The following LRBA variants were observed in gnomAD, a reference collection of about 807,000 sequenced individuals.
LRBA encodes lipopolysaccharide-responsive and beige-like anchor protein.
A neutral mutation model predicts 330.0 loss-of-function variants in LRBA; 176 were observed. The observed-to-expected ratio is 0.53, with a 90% CI of 0.47 to 0.60. LRBA has a LOEUF of 0.60. Ranked by LOEUF, LRBA falls within the 20% of genes least tolerant of loss-of-function variation. The probability of loss-of-function intolerance (pLI) is 0.00; values close to 1 mark genes in which losing one functional copy is unlikely to be tolerated. For synonymous variants in LRBA, 1,230 were observed against 1,193.0 expected (o/e 1.03, Z -0.64); for missense variants, 3,259 against 3,444.8 (o/e 0.95, Z 1.35).
chr4:150,939,134 C>T (rs781031699), intron 2 of LRBA, among the ~76,000 whole-genome samples: 3 of 152,234 alleles, frequency 2.0e-5, no homozygotes, highest in Non-Finnish European at 4.4e-5. Flanking sequence ...CACTACTGTG[C>T]CACTATGACA....
intron 42 of LRBA, among the ~76,000 whole-genome samples, chr4:150,479,472 TCATTA>T (rs1354208879): frequency 1.3e-5 from 2 of 152,216 alleles, no homozygotes; most frequent in African/African-American, 4.8e-5. Context: ...TCTGAAATCC[TCATTA>T]AATTATAAAA....
intron 22 of LRBA, among the ~76,000 whole-genome samples, chr4:150,861,079 T>C (rs1751859509): frequency 6.6e-6 from 1 of 152,244 alleles, no homozygotes; most frequent in African/African-American, 2.4e-5. Context: ...ATTTGTGTTA[T>C]CTATTTTTTT....
At chr4:150,305,321 T>A (rs1323659534) in intron 52 of LRBA, among the ~76,000 whole-genome samples, 1 of 152,236 alleles carries the variant, frequency 6.6e-6, no homozygotes, top group Admixed American at 6.5e-5. Context: ...AAGTCACTGC[T>A]CTGTTTCTCC....
chr4:150,709,982 C>T lies in LRBA; in HGVS notation c.5754+25276G>A, dbSNP rs144039761. On this transcript the variant is annotated intron_variant, in intron 36 of 56. Transcript: ENST00000651943. ...TGATATTAAGGATTGTAGGTTTAAC[C>T]TAAGAGCAATGGGAAGGAACTGGAT... Among the ~76,000 whole-genome samples the T allele has an allele frequency of 4.6e-3, 695 of 151,946 alleles. 6 individuals are homozygous for T. Among genetic ancestry groups the T allele is most frequent in the African/African-American group, 0.016 (664 of 41,508 alleles).
At chr4:150,379,100 C>T (rs1252694175) in intron 47 of LRBA, among the ~76,000 whole-genome samples, 2 of 151,780 alleles carry the variant, frequency 1.3e-5, no homozygotes, top group East Asian at 1.9e-4. Flanking sequence ...GTCAGGAGAT[C>T]GAGACCAGCC....
chr4:150,769,329 G>C (rs557135584), intron 34 of LRBA, among the ~76,000 whole-genome samples: 2 of 152,112 alleles, frequency 1.3e-5, no homozygotes, highest in South Asian at 2.1e-4. Flanking sequence ...GACAGAGAGA[G>C]ACACAGACAG....
intron 34 of LRBA, among the ~76,000 whole-genome samples, chr4:150,768,250 C>A (rs1212382599): frequency 2.0e-5 from 3 of 151,642 alleles, no homozygotes; most frequent in African/African-American, 7.3e-5. Flanking sequence ...CCAAAGAAAA[C>A]AAAACTCTAC....
At chr4:150,837,319 T>A (rs1333057006) in intron 28 of LRBA, among the ~76,000 whole-genome samples, 2 of 152,202 alleles carry the variant, frequency 1.3e-5, no homozygotes, top group African/African-American at 4.8e-5. Flanking sequence ...GTCCACTTGG[T>A]GCAGAGCTGA....
intron 36 of LRBA, among the ~76,000 whole-genome samples, chr4:150,734,175 C>T (rs769475532): frequency 2.0e-5 from 3 of 152,034 alleles, no homozygotes; most frequent in Non-Finnish European, 4.4e-5. Context: ...TGGCAGCTAA[C>T]AATCATCATA....
chr4:150,311,675 CTGTT>C (rs1180194883), intron 51 of LRBA, among the ~76,000 whole-genome samples: 1 of 152,128 alleles, frequency 6.6e-6, no homozygotes, highest in Non-Finnish European at 1.5e-5. Context: ...TATTGGATAA[CTGTT>C]TGATAATGGA....
intron 34 of LRBA, among the ~76,000 whole-genome samples, chr4:150,763,866 G>A (rs1332888207): frequency 6.6e-6 from 1 of 151,900 alleles, no homozygotes; most frequent in Non-Finnish European, 1.5e-5. Flanking sequence ...TTAAGAAGAT[G>A]AAGAGAACAT....
At chr4:150,436,110 C>A (rs1054380566) in intron 45 of LRBA, among the ~76,000 whole-genome samples, 5 of 152,100 alleles carry the variant, frequency 3.3e-5, no homozygotes, top group Non-Finnish European at 7.4e-5. Flanking sequence ...TTAAAAGCCT[C>A]CTCTTAGTTA....
At position 150,308,306 on chromosome 4, in the gene LRBA, T is replaced by C. The variant is rs368714885; in HGVS notation, c.7849+1923A>G. ...GAAGCTGAAAAATTCCTGTCACCTA[T>C]TGACATCATAGCTGTGGTAACGTTG... On this transcript the variant is annotated intron_variant, in intron 52 of 56. Coordinates refer to ENST00000651943, the MANE Select transcript of LRBA (RefSeq NM_001364905.1). Among the ~76,000 whole-genome samples the C allele has an allele frequency of 1.3e-5, 2 of 152,208 alleles. 1 individual carries two copies.
At chr4:150,807,555 G>A (rs1157948639) in intron 32 of LRBA, among the ~76,000 whole-genome samples, 1 of 152,134 alleles carries the variant, frequency 6.6e-6, no homozygotes, top group Non-Finnish European at 1.5e-5. Context: ...AACAAGGTAA[G>A]TAACAATAAA....
At chr4:150,457,830 T>C (rs960480393) in intron 44 of LRBA, among the ~76,000 whole-genome samples, 3 of 151,904 alleles carry the variant, frequency 2.0e-5, no homozygotes, top group African/African-American at 7.2e-5. Context: ...CAAAGCATTA[T>C]GGGATAAAAT....
chr4:150,414,373 C>T (rs927548531), intron 47 of LRBA, among the ~76,000 whole-genome samples: 13 of 151,798 alleles, frequency 8.6e-5, no homozygotes, highest in African/African-American at 3.1e-4. Context: ...AAAGGAATGC[C>T]ACATTAAAAA....
At chr4:150,605,009 T>C (rs1312914991) in intron 37 of LRBA, among the ~76,000 whole-genome samples, 1 of 152,124 alleles carries the variant, frequency 6.6e-6, no homozygotes, top group African/African-American at 2.4e-5. Flanking sequence ...CAAAATTCAA[T>C]AAAAAGAATG....
intron 2 of LRBA, among the ~76,000 whole-genome samples, chr4:150,979,166 A>G (rs1335497536): frequency 6.6e-6 from 1 of 152,216 alleles, no homozygotes; most frequent in African/African-American, 2.4e-5. Context: ...ATAACGTACA[A>G]TGGAGCTCCA....
At chr4:150,768,166 C>T (rs1361735832) in intron 34 of LRBA, among the ~76,000 whole-genome samples, 1 of 148,892 alleles carries the variant, frequency 6.7e-6, no homozygotes, top group African/African-American at 2.5e-5. Context: ...GGCAACAGTA[C>T]ATGAGATACA....
Sources: gnomAD v4.1 joint callset for allele counts (sites outside exome capture counted in the v4.1 genomes callset) on GRCh38, gnomAD v4.1.1 for gene constraint, MANE v1.5 for transcripts, NCBI Gene and HGNC (gene_info 2026-07-23, HGNC 2026-07-21) for gene names.